HUNK: variants seen among roughly 807,000 people sequenced by gnomAD.
HUNK encodes hormonally up-regulated Neu-associated kinase, also known as hormonally up-regulated neu tumor-associated kinase.
A neutral mutation model predicts 61.0 loss-of-function variants in HUNK; 21 were observed. That is an observed-to-expected ratio of 0.34 (90% CI 0.24 to 0.50). The LOEUF (loss-of-function observed/expected upper bound fraction) is 0.50. Among genes scored for constraint, HUNK ranks in the 20% least tolerant of loss-of-function variants. The pLI, the probability that HUNK is intolerant of heterozygous loss-of-function variation, is 0.98. For missense variants in HUNK, 772 were observed against 945.7 expected (o/e 0.82, Z 2.41); for synonymous variants, 371 against 386.1 (o/e 0.96, Z 0.46).
chr21:31,892,588 G>A (rs1189198143), intron 1 of HUNK, among the ~76,000 whole-genome samples: 25 of 136,618 alleles, frequency 1.8e-4, no homozygotes, highest in Middle Eastern at 3.9e-3. Context: ...AAAAAAAAAA[G>A]GAAAGAAAGA....
At chr21:31,895,120 G>T (rs1430647281) in intron 1 of HUNK, among the ~76,000 whole-genome samples, 1 of 152,218 alleles carries the variant, frequency 6.6e-6, no homozygotes, top group East Asian at 1.9e-4. Context: ...GCAAGGTGAA[G>T]AATTTGGATG....
chr21:31,937,406 G>A lies in HUNK; in HGVS notation c.555-2759G>A, dbSNP rs78949828. 8.5e-3 allele frequency among the ~76,000 whole-genome samples: 1,292 copies of A among 152,288 alleles called. 9 individuals carry two copies. The highest frequency in any genetic ancestry group is 0.014 in the Non-Finnish European group (928 of 68,012). On this transcript the variant is annotated intron_variant, in intron 2 of 10. Coordinates refer to ENST00000270112, the MANE Select transcript of HUNK (RefSeq NM_014586.2). ...GAGATACGGCCTCTTGATTGTGAGA[G>A]TTTGAGAGACCAGTCTCAAAACAGT...
intron 1 of HUNK, among the ~76,000 whole-genome samples, chr21:31,923,555 A>G (rs2052638235): frequency 7.6e-6 from 1 of 130,796 alleles, no homozygotes; most frequent in African/African-American, 2.9e-5. Context: ...GGAAGGAAAG[A>G]AGGAAGGAAG....
chr21:31,939,051 G>A (rs2052750941), intron 2 of HUNK, among the ~76,000 whole-genome samples: 1 of 152,156 alleles, frequency 6.6e-6, no homozygotes, highest in Non-Finnish European at 1.5e-5. Flanking sequence ...GGAGCTTACA[G>A]TCGCAGGCGC....
chr21:31,985,322 C>T (rs760722064), intron 8 of HUNK, among the ~76,000 whole-genome samples: 6 of 152,230 alleles, frequency 3.9e-5, no homozygotes, highest in Non-Finnish European at 7.3e-5. Context: ...CGGTGCACAT[C>T]GCTCTGGAAG....
At chr21:31,958,226 C>G (rs1051454402) in intron 4 of HUNK, among the ~76,000 whole-genome samples, 4 of 152,078 alleles carry the variant, frequency 2.6e-5, no homozygotes, top group African/African-American at 9.7e-5. Context: ...GCTCTTGAAA[C>G]TCCTGCTTTT....
At chr21:31,905,197 A>C (rs1188536666) in intron 1 of HUNK, among the ~76,000 whole-genome samples, 1 of 152,176 alleles carries the variant, frequency 6.6e-6, no homozygotes, top group African/African-American at 2.4e-5. Flanking sequence ...GGAAGACCGC[A>C]TGAAGACACA....
intron 7 of HUNK, among the ~76,000 whole-genome samples, chr21:31,975,469 T>C (rs947816099): frequency 1.9e-4 from 29 of 152,246 alleles, no homozygotes; most frequent in Non-Finnish European, 5.9e-5. Flanking sequence ...CTCATGCTTT[T>C]ACTCAGAATG....
chr21:31,907,450 T>C (rs1181068158), intron 1 of HUNK, among the ~76,000 whole-genome samples: 2 of 152,184 alleles, frequency 1.3e-5, no homozygotes, highest in Admixed American at 6.5e-5. Context: ...CTTGGTTGGA[T>C]GGCACTGGAC....
In HUNK at chr21:31,999,196, G is replaced by A. The variant is rs747292661; in HGVS notation, c.*12G>A. On this transcript the variant is annotated 3_prime_UTR_variant, in exon 11 of 11. Coordinates refer to ENST00000270112, the MANE Select transcript of HUNK (RefSeq NM_014586.2). Reference sequence around the variant, plus strand: ...AGACCCAGTGCTAACTTGGGCCAGCGGGGTTTGGGGTATCTCTAGAAAACA... The same window carrying A: ...AGACCCAGTGCTAACTTGGGCCAGCAGGGTTTGGGGTATCTCTAGAAAACA... 20 of 1,578,496 alleles carry A rather than the reference G, an allele frequency of 1.3e-5. No homozygotes were observed. In the Middle Eastern group the frequency reaches 5.1e-4, roughly 40 times the overall value.
At chr21:31,926,907 T>C (rs2052664187) in intron 2 of HUNK, among the ~76,000 whole-genome samples, 4 of 152,174 alleles carry the variant, frequency 2.6e-5, no homozygotes. Flanking sequence ...ATAAATCTAA[T>C]TTTAATTTTA....
At chr21:31,964,325 C>T (rs1004776917) in intron 5 of HUNK, among the ~76,000 whole-genome samples, 4 of 152,136 alleles carry the variant, frequency 2.6e-5, no homozygotes, top group African/African-American at 9.7e-5. Context: ...GGGGAGGGGT[C>T]TCTATTTGCA....
intron 8 of HUNK, among the ~76,000 whole-genome samples, chr21:31,987,512 A>G (rs2053142187): frequency 6.6e-6 from 1 of 152,200 alleles, no homozygotes; most frequent in South Asian, 2.1e-4. Context: ...GGCCAGAACT[A>G]TAGTGGGAAA....
At chr21:31,875,692 G>A in intron 1 of HUNK, among the ~76,000 whole-genome samples, 1 of 152,188 alleles carries the variant, frequency 6.6e-6, no homozygotes, top group Non-Finnish European at 1.5e-5. Context: ...GTTGGCACTG[G>A]CGATGGAAGT....
intron 2 of HUNK, among the ~76,000 whole-genome samples, chr21:31,930,188 G>A (rs974488974): frequency 2.0e-5 from 3 of 152,180 alleles, no homozygotes; most frequent in African/African-American, 2.4e-5. Flanking sequence ...CGAAAGTGGC[G>A]CTGGGCAAAT....
rs186462301 is a variant in HUNK, at chr21:31,968,394, G to T, written c.1010+9G>T. The T allele has an allele frequency of 4.3e-6, 7 of 1,613,912 alleles. No homozygotes were observed. The African/African-American group carries it at 6.7e-5, about 15-fold the overall frequency. ...GTCACCTATCCCAACAGGTAATTTC[G>T]TGCACCCAGAGGAACTCCTCGGGAG... is the stretch of plus-strand genomic sequence containing the variant. On this transcript the variant is annotated intron_variant, in intron 6 of 10. Coordinates refer to ENST00000270112, the MANE Select transcript of HUNK (RefSeq NM_014586.2).
intron 1 of HUNK, among the ~76,000 whole-genome samples, chr21:31,883,541 T>C: frequency 6.6e-6 from 1 of 152,206 alleles, no homozygotes; most frequent in East Asian, 1.9e-4. Context: ...GAGTGATATA[T>C]TTTGCAGTGT....
At chr21:31,967,414 G>C (rs1245915906) in intron 5 of HUNK, among the ~76,000 whole-genome samples, 1 of 152,054 alleles carries the variant, frequency 6.6e-6, no homozygotes, top group African/African-American at 2.4e-5. Context: ...CATTATAAAC[G>C]CATTTTTACC....
chr21:31,890,779 C>T (rs1018388372), intron 1 of HUNK, among the ~76,000 whole-genome samples: 3 of 152,152 alleles, frequency 2.0e-5, no homozygotes, highest in Non-Finnish European at 4.4e-5. Flanking sequence ...AGTGACACAA[C>T]AGATATGAAA....
Sources: gnomAD v4.1 joint callset for allele counts (sites outside exome capture counted in the v4.1 genomes callset) on GRCh38, gnomAD v4.1.1 for gene constraint, MANE v1.5 for transcripts, NCBI Gene and HGNC (gene_info 2026-07-23, HGNC 2026-07-21) for gene names.